The following PRKAR1B variants were observed in gnomAD, a reference collection of about 807,000 sequenced individuals.
The protein encoded by PRKAR1B is cAMP-dependent protein kinase type I-beta regulatory subunit.
A neutral mutation model predicts 46.5 loss-of-function variants in PRKAR1B; 22 were observed. That is an observed-to-expected ratio of 0.47 (90% CI 0.34 to 0.68). The LOEUF is 0.68. PRKAR1B is among the 30% of genes least tolerant of loss of function. The probability of loss-of-function intolerance (pLI) is 0.01; values close to 1 mark genes in which losing one functional copy is unlikely to be tolerated. For missense variants in PRKAR1B, 445 were observed against 535.6 expected (o/e 0.83, Z 1.67); for synonymous variants, 259 against 217.7 (o/e 1.19, Z -1.67).
At chr7:684,800 C>A (rs915078701) in intron 2 of PRKAR1B, among the ~76,000 whole-genome samples, 1 of 152,018 alleles carries the variant, frequency 6.6e-6, no homozygotes, top group Non-Finnish European at 1.5e-5. Context: ...AATCACCAAA[C>A]GTCCATCACC....
intron 9 of PRKAR1B, among the ~76,000 whole-genome samples, chr7:566,730 T>C (rs78025563): frequency 0.5 from 2 of 4 alleles, 1 homozygote; most frequent in Non-Finnish European, 0.5. Flanking sequence ...ACCATCATCA[T>C]CATCATCACC....
At chr7:713,450 C>G (rs1486857339) in intron 1 of PRKAR1B, among the ~76,000 whole-genome samples, 2 of 149,298 alleles carry the variant, frequency 1.3e-5, no homozygotes, top group African/African-American at 5.0e-5. Flanking sequence ...TCACCTGTCT[C>G]CCACTCACCC....
chr7:561,679 G>A (rs1017869565), intron 9 of PRKAR1B, among the ~76,000 whole-genome samples: 2 of 152,262 alleles, frequency 1.3e-5, no homozygotes, highest in Non-Finnish European at 2.9e-5. Flanking sequence ...CTGTCCTCGG[G>A]ACGACAGCGA....
intron 1 of PRKAR1B, among the ~76,000 whole-genome samples, chr7:723,321 CAG>C (rs1352448729): frequency 1.3e-5 from 2 of 152,156 alleles, no homozygotes; most frequent in Non-Finnish European, 2.9e-5. Context: ...GGGCTTTGGC[CAG>C]AGAGAGGAGG....
chr7:711,247 G>A, intron 2 of PRKAR1B, 82 bp downstream of exon 2: 3 of 1,551,114 alleles, frequency 1.9e-6, no homozygotes, highest in Non-Finnish European at 2.6e-6. Context: ...AGGACCACGG[G>A]ACAGAGGGAA....
At chr7:594,456 G>C (rs772268859) in intron 7 of PRKAR1B, among the ~76,000 whole-genome samples, 1 of 152,204 alleles carries the variant, frequency 6.6e-6, no homozygotes, top group Non-Finnish European at 1.5e-5. Flanking sequence ...ACCAGGTTCT[G>C]CTGTGTCACC....
chr7:674,911 G>C (rs1786491523), intron 4 of PRKAR1B, among the ~76,000 whole-genome samples: 1 of 152,180 alleles, frequency 6.6e-6, no homozygotes, highest in Admixed American at 6.5e-5. Flanking sequence ...TGAGTGGCTG[G>C]GTGCCAAGAC....
At chr7:710,046 A>C (rs1780538108) in intron 2 of PRKAR1B, among the ~76,000 whole-genome samples, 2 of 152,222 alleles carry the variant, frequency 1.3e-5, no homozygotes, top group African/African-American at 4.8e-5. Context: ...AATTTCCCTT[A>C]ATAGGCATAT....
intron 6 of PRKAR1B, among the ~76,000 whole-genome samples, 191 bp from the exon 7 acceptor site, chr7:596,495 C>T (rs915425180): frequency 2.6e-5 from 4 of 152,218 alleles, no homozygotes; most frequent in African/African-American, 7.2e-5. Flanking sequence ...CTCACCCCAC[C>T]CCCAGCCCTG....
At chr7:568,994 C>T (rs1345541309) in intron 9 of PRKAR1B, among the ~76,000 whole-genome samples, 1 of 147,550 alleles carries the variant, frequency 6.8e-6, no homozygotes, top group Non-Finnish European at 1.5e-5. Flanking sequence ...GAAGATGGTG[C>T]TTTTTAGAGT....
intron 4 of PRKAR1B, among the ~76,000 whole-genome samples, 182 bp from the exon 5 acceptor site, chr7:607,634 C>T (rs558106017): frequency 2.6e-5 from 4 of 152,308 alleles, no homozygotes; most frequent in East Asian, 3.9e-4. Context: ...GAGATGGCAC[C>T]GCCAGCCCTG....
intron 9 of PRKAR1B, among the ~76,000 whole-genome samples, chr7:559,671 A>C (rs1778665721): frequency 6.6e-6 from 1 of 152,194 alleles, no homozygotes; most frequent in Non-Finnish European, 1.5e-5. Flanking sequence ...GCAGGCAGTG[A>C]GCCGGAGTCT....
At chr7:569,151 G>A (rs1475841426) in intron 9 of PRKAR1B, among the ~76,000 whole-genome samples, 3 of 152,006 alleles carry the variant, frequency 2.0e-5, no homozygotes, top group Non-Finnish European at 4.4e-5. Context: ...CTTTGCTGAA[G>A]ACGCCTCGGC....
intron 4 of PRKAR1B, among the ~76,000 whole-genome samples, chr7:664,413 C>T (rs1299710033): frequency 1.3e-5 from 2 of 152,190 alleles, no homozygotes; most frequent in East Asian, 3.9e-4. Flanking sequence ...CCATTCCCTG[C>T]CCGGGGCAGT....
chr7:671,278 C>G (rs955401376), intron 4 of PRKAR1B, among the ~76,000 whole-genome samples: 2 of 152,140 alleles, frequency 1.3e-5, no homozygotes, highest in Admixed American at 1.3e-4. Context: ...TCTAAGCTCA[C>G]GGGCTGCCTC....
chr7:662,678 C>T (rs1295761745), intron 4 of PRKAR1B, among the ~76,000 whole-genome samples: 5 of 151,510 alleles, frequency 3.3e-5, no homozygotes, highest in South Asian at 2.1e-4. Flanking sequence ...CAAATACCTA[C>T]TCTCCCCTCA....
intron 4 of PRKAR1B, among the ~76,000 whole-genome samples, chr7:618,644 A>G (rs1022058111): frequency 6.6e-6 from 1 of 151,836 alleles, no homozygotes; most frequent in Non-Finnish European, 1.5e-5. Context: ...TTGCATTTCC[A>G]TTTCCCTGAT....
chr7:718,483 AG>A (rs1045210553), intron 1 of PRKAR1B, among the ~76,000 whole-genome samples: 9 of 151,742 alleles, frequency 5.9e-5, no homozygotes, highest in Admixed American at 3.9e-4. Context: ...CAGCCTCCCA[AG>A]TAGCTGGGAT....
At chr7:699,973 G>T (rs533168229) in intron 2 of PRKAR1B, among the ~76,000 whole-genome samples, 1 of 152,194 alleles carries the variant, frequency 6.6e-6, no homozygotes, top group South Asian at 2.1e-4. Flanking sequence ...AGGGGACAGC[G>T]GCGTGGGCGG....
Sources: allele counts gnomAD v4.1 joint callset (sites outside exome capture counted in the v4.1 genomes callset), GRCh38; gene constraint gnomAD v4.1.1; transcripts MANE v1.5; gene names NCBI Gene and HGNC (gene_info 2026-07-23, HGNC 2026-07-21).